The following AGBL4 variants were observed in gnomAD, a reference collection of about 807,000 sequenced individuals.
The protein encoded by AGBL4 is cytosolic carboxypeptidase 6.
A neutral mutation model predicts 66.4 loss-of-function variants in AGBL4; 58 were observed. The observed-to-expected ratio is 0.87, with a 90% CI of 0.71 to 1.09. The LOEUF (loss-of-function observed/expected upper bound fraction) is 1.09. AGBL4 is among the 50% of genes least tolerant of loss of function. The pLI, the probability that AGBL4 is intolerant of heterozygous loss-of-function variation, is 0.00. For synonymous variants in AGBL4, 234 were observed against 222.9 expected (o/e 1.05, Z -0.44); for missense variants, 579 against 631.0 (o/e 0.92, Z 0.88).
chr1:49,949,301 G>A (rs1353470448), intron 1 of AGBL4, among the ~76,000 whole-genome samples: 2 of 151,936 alleles, frequency 1.3e-5, no homozygotes, highest in East Asian at 3.9e-4. Context: ...CTAGACATTG[G>A]CTTAGGCAAG....
intron 4 of AGBL4, among the ~76,000 whole-genome samples, chr1:49,232,052 C>T (rs374569464): frequency 2.6e-5 from 4 of 151,966 alleles, no homozygotes; most frequent in Non-Finnish European, 5.9e-5. Context: ...CAGATTGTAA[C>T]CCCATCATAA....
At chr1:48,965,157 C>A (rs957553026) in intron 5 of AGBL4, among the ~76,000 whole-genome samples, 4 of 152,030 alleles carry the variant, frequency 2.6e-5, no homozygotes, top group Non-Finnish European at 4.4e-5. Context: ...AAGATATAAA[C>A]AGGTAGAGAT....
At chr1:49,803,507 G>A (rs1385828673) in intron 2 of AGBL4, among the ~76,000 whole-genome samples, 4 of 152,126 alleles carry the variant, frequency 2.6e-5, no homozygotes, top group African/African-American at 9.7e-5. Flanking sequence ...TTTAATGAAT[G>A]CATTGTTTAT....
chr1:49,626,361 C>G (rs1645462785), intron 3 of AGBL4, among the ~76,000 whole-genome samples: 2 of 152,068 alleles, frequency 1.3e-5, no homozygotes, highest in African/African-American at 4.8e-5. Flanking sequence ...TAGTGGGTCC[C>G]CTCATGAAAT....
At chr1:48,529,675 C>T (rs1359175880), downstream of AGBL4, among the ~76,000 whole-genome samples, 1 of 152,060 alleles carries the variant, frequency 6.6e-6, no homozygotes, top group Non-Finnish European at 1.5e-5. Context: ...AGGAAGAATT[C>T]CGAACAAGAA....
chr1:49,119,387 G>T (rs937314723), intron 4 of AGBL4, among the ~76,000 whole-genome samples: 2 of 152,216 alleles, frequency 1.3e-5, no homozygotes, highest in African/African-American at 2.4e-5. Flanking sequence ...CAGAGATTCT[G>T]GTACATTGTG....
At chr1:49,166,113 C>T (rs2148151015) in intron 4 of AGBL4, among the ~76,000 whole-genome samples, 1 of 152,228 alleles carries the variant, frequency 6.6e-6, no homozygotes, top group Non-Finnish European at 1.5e-5. Context: ...TAATATATTT[C>T]ACATCCCTGC....
chr1:49,509,553 C>G lies in AGBL4; in HGVS notation c.282+187760G>C, dbSNP rs367748393. Reference sequence around the variant, plus strand: ...AGAAATGCAGCTAGAAATAAGGACACCAGGGAGGCCTCTAAATACCAAGGT... The same window carrying G: ...AGAAATGCAGCTAGAAATAAGGACAGCAGGGAGGCCTCTAAATACCAAGGT... On this transcript the variant is annotated intron_variant, in intron 3 of 13. Coordinates refer to ENST00000371839, the MANE Select transcript of AGBL4 (RefSeq NM_032785.4). Among the ~76,000 whole-genome samples the G allele has an allele frequency of 3.4e-4, 52 of 151,848 alleles. 1 individual carries two copies. The South Asian group carries it at 9.6e-3, about 28-fold the overall frequency.
At chr1:49,919,704 C>A (rs935514743) in intron 1 of AGBL4, among the ~76,000 whole-genome samples, 7 of 152,012 alleles carry the variant, frequency 4.6e-5, no homozygotes, top group Admixed American at 4.6e-4. Context: ...CATCAAGCTA[C>A]CAATGACTTT....
chr1:49,949,306 G>C (rs1655857784), intron 1 of AGBL4, among the ~76,000 whole-genome samples: 2 of 151,872 alleles, frequency 1.3e-5, no homozygotes, highest in South Asian at 4.1e-4. Flanking sequence ...CATTGGCTTA[G>C]GCAAGGATTT....
intron 2 of AGBL4, among the ~76,000 whole-genome samples, chr1:49,840,302 G>T (rs1290755322): frequency 6.6e-6 from 1 of 152,034 alleles, no homozygotes; most frequent in Non-Finnish European, 1.5e-5. Flanking sequence ...ATTTCTGTGG[G>T]AATAGTTGTA....
At chr1:49,822,316 T>C (rs1022018182) in intron 2 of AGBL4, among the ~76,000 whole-genome samples, 14 of 151,594 alleles carry the variant, frequency 9.2e-5, no homozygotes, top group African/African-American at 3.4e-4. Context: ...TCTTCGTGTG[T>C]GTGTGTGTGT....
At chr1:48,543,726 A>G (rs1644114542) in intron 11 of AGBL4, among the ~76,000 whole-genome samples, 1 of 152,160 alleles carries the variant, frequency 6.6e-6, no homozygotes, top group Non-Finnish European at 1.5e-5. Context: ...CTTCTTCAAG[A>G]AGTCCCCAAG....
At chr1:49,874,900 G>C (rs1246332492) in intron 1 of AGBL4, among the ~76,000 whole-genome samples, 1 of 145,040 alleles carries the variant, frequency 6.9e-6, no homozygotes, top group Non-Finnish European at 1.5e-5. Flanking sequence ...ATGTATACAT[G>C]TGACATGCTG....
chr1:48,723,005 C>T (rs533932841), intron 6 of AGBL4, among the ~76,000 whole-genome samples: 7 of 152,110 alleles, frequency 4.6e-5, no homozygotes, highest in African/African-American at 7.2e-5. Flanking sequence ...AACTGAAGCT[C>T]GGAGAGGTTA....
At chr1:48,769,816 G>A (rs2148688044) in intron 6 of AGBL4, among the ~76,000 whole-genome samples, 1 of 152,270 alleles carries the variant, frequency 6.6e-6, no homozygotes, top group Middle Eastern at 3.4e-3. Context: ...ATGAGCACCT[G>A]GAACTCAGAG....
rs918317314 is a variant in AGBL4, at chr1:49,684,487, A to T, written c.282+12826T>A. Among the ~76,000 whole-genome samples, 14 of 152,296 alleles carry T rather than the reference A, an allele frequency of 9.2e-5. No homozygotes were observed. The East Asian group carries it at 2.7e-3, about 29-fold the overall frequency. The stretch of plus-strand genomic sequence containing the variant: ...GTTAAAAAACCACACACTAAGGGTA[A>T]AAGAAAATCCAGCATGAAATTCCTC... On this transcript the variant is annotated intron_variant, in intron 3 of 13. Transcript: ENST00000371839.
At chr1:48,759,032 C>G (rs1417598820) in intron 6 of AGBL4, 2 of 1,614,054 alleles carry the variant, frequency 1.2e-6, no homozygotes. Flanking sequence ...CGAGTCCGCT[C>G]CAGCTCCTGC....
At chr1:49,794,646 C>CA (rs1475708535) in intron 2 of AGBL4, among the ~76,000 whole-genome samples, 2 of 151,890 alleles carry the variant, frequency 1.3e-5, no homozygotes, top group Non-Finnish European at 2.9e-5. Context: ...TATTTACTTA[C>CA]AAATTTTTCT....
Sources: gnomAD v4.1 joint callset for allele counts (sites outside exome capture counted in the v4.1 genomes callset) on GRCh38, gnomAD v4.1.1 for gene constraint, MANE v1.5 for transcripts, NCBI Gene and HGNC (gene_info 2026-07-23, HGNC 2026-07-21) for gene names.